LINGO1: variants seen among roughly 807,000 people sequenced by gnomAD.
The protein encoded by LINGO1 is leucine-rich repeat and immunoglobulin-like domain-containing nogo receptor-interacting protein 1.
LINGO1 carries 11 observed loss-of-function variants against 37.3 expected under a neutral mutation model. That is an observed-to-expected ratio of 0.29 (90% CI 0.19 to 0.49). LINGO1 has a LOEUF of 0.49. Among genes scored for constraint, LINGO1 ranks in the 20% least tolerant of loss-of-function variants. The pLI is 0.99. For synonymous variants in LINGO1, 387 were observed against 403.0 expected, an observed-to-expected ratio of 0.96 and a Z score of 0.48; for missense variants, 585 against 878.2, an observed-to-expected ratio of 0.67 and a Z score of 4.22.
chr15:77,743,521 G>A (rs991816390), intron 1 of LINGO1, among the ~76,000 whole-genome samples: 4 of 152,160 alleles, frequency 2.6e-5, no homozygotes, highest in Non-Finnish European at 5.9e-5. Flanking sequence ...AAAGAGGGTT[G>A]GGAGGTTTTG....
At chr15:77,767,765 G>A (rs909299440) in intron 1 of LINGO1, among the ~76,000 whole-genome samples, 15 of 152,160 alleles carry the variant, frequency 9.9e-5, no homozygotes, top group Non-Finnish European at 2.2e-4. Flanking sequence ...TAAAAAGACA[G>A]TCATTAACTC....
Position 77,614,274 on chromosome 15 carries a change from G to C in LINGO1, c.1633C>G (p.Arg545Gly), listed in dbSNP as rs771236468. ...TCGAAGGGGAAAGGCACAGTGGCGCGGGTGCTGTTGGCCTCTCCCTCGCCC... is the reference window on the plus strand; with the variant it reads ...TCGAAGGGGAAAGGCACAGTGGCGCCGGTGCTGTTGGCCTCTCCCTCGCCC... ...QPGEGEANST[R>G]ATVPFPFDIK... The change falls in exon 2 of 2, where the codon CGC becomes GGC. Residue 545 changes from arginine (R) to glycine (G), a missense_variant. This residue lies in a region of LINGO1 where 484 missense variants were observed against 735.0 expected (regional missense o/e 0.66). Coordinates refer to ENST00000355300, the MANE Select transcript of LINGO1 (RefSeq NM_032808.7). 1.2e-6 allele frequency: 2 copies of C among 1,613,918 alleles called. No homozygotes were observed. Among genetic ancestry groups the C allele is most frequent in the African/African-American group, 1.3e-5 (1 of 74,938 alleles).
intron 2 of LINGO1, among the ~76,000 whole-genome samples, chr15:77,730,080 G>A (rs1442745611): frequency 2.6e-5 from 4 of 151,972 alleles, no homozygotes; most frequent in Non-Finnish European, 4.4e-5. Flanking sequence ...GCGTTGTGGG[G>A]GGAGTAGGGG....
In LINGO1 at chr15:77,615,622, C is replaced by CG; in HGVS notation, c.284dup (p.His96AlafsTer83). The stretch of plus-strand genomic sequence containing the variant: ...CGTTGAGCTCCAGCTCCTCCAGGTG[C>CG]GGGAAGCTGGCGAACTCGTCCTGGT... On this transcript the variant is annotated frameshift_variant, in exon 2 of 2. Coordinates refer to ENST00000355300, the MANE Select transcript of LINGO1 (RefSeq NM_032808.7). LOFTEE classifies it high-confidence loss of function. 6.2e-7 allele frequency: 1 copy of CG among 1,611,688 alleles called. No individual in the cohort carries two copies. The highest frequency in any genetic ancestry group is 8.5e-7 in the Non-Finnish European group (1 of 1,179,034).
At chr15:77,809,327 C>T (rs576451134) in intron 1 of LINGO1, among the ~76,000 whole-genome samples, 6 of 152,210 alleles carry the variant, frequency 3.9e-5, no homozygotes, top group Non-Finnish European at 8.8e-5. Flanking sequence ...TCAAAGGCAG[C>T]GGGATCCGGG....
At chr15:77,797,975 A>G (rs2076886996) in intron 1 of LINGO1, among the ~76,000 whole-genome samples, 1 of 152,192 alleles carries the variant, frequency 6.6e-6, no homozygotes, top group Non-Finnish European at 1.5e-5. Context: ...GGAGGCAGAG[A>G]AGTGGGTGCT....
At chr15:77,770,587 C>CAAAAA (rs71145861) in intron 1 of LINGO1, among the ~76,000 whole-genome samples, 11 of 79,322 alleles carry the variant, frequency 1.4e-4, no homozygotes, top group East Asian at 4.2e-4. Flanking sequence ...GACTCTGTCT[C>CAAAAA]AAAAAAAAAA....
chr15:77,748,963 A>G (rs1172367478), intron 1 of LINGO1, among the ~76,000 whole-genome samples: 1 of 128,982 alleles, frequency 7.8e-6, no homozygotes, highest in Non-Finnish European at 1.5e-5. Context: ...GCTGGAGTGC[A>G]CTGGCGTGAT....
chr15:77,739,558 C>T (rs1484437278), intron 1 of LINGO1, among the ~76,000 whole-genome samples: 2 of 152,174 alleles, frequency 1.3e-5, no homozygotes, highest in African/African-American at 4.8e-5. Context: ...ACCCCTTTCT[C>T]TTGCAAGCTT....
chr15:77,738,746 C>CGGAA, intron 1 of LINGO1, among the ~76,000 whole-genome samples: 1 of 94,276 alleles, frequency 1.1e-5, no homozygotes, highest in African/African-American at 4.6e-5. Context: ...TACATATTTG[C>CGGAA]TGAAGGAAGG....
intron 1 of LINGO1, among the ~76,000 whole-genome samples, chr15:77,737,386 T>C (rs1428905546): frequency 6.6e-6 from 1 of 150,510 alleles, no homozygotes; most frequent in Non-Finnish European, 1.5e-5. Context: ...TGCCTCAATA[T>C]TGTAAAAGAA....
Position 77,632,290 on chromosome 15 carries a change from G to A in LINGO1, c.6+20C>T. 2.1e-6 allele frequency: 3 copies of A among 1,424,138 alleles called. No individual in the cohort carries two copies. Among genetic ancestry groups the A allele is most frequent in the Non-Finnish European group, 2.8e-6 (3 of 1,089,870 alleles). The allele number at this position is 1,424,138 out of a possible 1,614,324, so 88.2% of individuals were successfully genotyped here. On this transcript the variant is annotated intron_variant, in intron 1 of 1. Transcript: ENST00000355300. The surrounding 1 kb of genome is among the most constrained non-coding windows in gnomAD (Gnocchi z 6.0). ...CGCGGGGCTGCCCGCTCGGGGCTCG[G>A]CCGCGGCCGCCTGGCTCACCTGCAT...
At chr15:77,651,951 G>A (rs2074766133) in intron 3 of LINGO1, 2 of 152,176 alleles carry the variant, frequency 1.3e-5, no homozygotes, top group Non-Finnish European at 2.9e-5. Context: ...GGTAGCCTTG[G>A]GACATGTCTC....
At chr15:77,775,732 G>A (rs566514445) in intron 1 of LINGO1, among the ~76,000 whole-genome samples, 14 of 151,644 alleles carry the variant, frequency 9.2e-5, no homozygotes, top group Non-Finnish European at 1.5e-4. Context: ...CTCTAGACCC[G>A]GCCCAACATG....
At chr15:77,786,652 A>G (rs1596230609) in intron 1 of LINGO1, among the ~76,000 whole-genome samples, 1 of 152,306 alleles carries the variant, frequency 6.6e-6, no homozygotes, top group East Asian at 1.9e-4. Flanking sequence ...CCGCCTGGAC[A>G]GAGGAGCCAC....
At chr15:77,618,170 G>T (rs1160886000) in intron 1 of LINGO1, among the ~76,000 whole-genome samples, 2 of 152,220 alleles carry the variant, frequency 1.3e-5, no homozygotes, top group Non-Finnish European at 2.9e-5. Context: ...GCTGGCGGGT[G>T]GGGGGAGCTG....
intron 1 of LINGO1, among the ~76,000 whole-genome samples, chr15:77,743,404 G>A (rs759044674): frequency 3.9e-5 from 6 of 152,138 alleles, no homozygotes; most frequent in Non-Finnish European, 8.8e-5. Flanking sequence ...GGACTAAGAG[G>A]GGCACAGATT....
At chr15:77,638,805 A>G (rs116367018), upstream of LINGO1, among the ~76,000 whole-genome samples, 489 of 152,216 alleles carry the variant, frequency 3.2e-3, 7 homozygotes, top group African/African-American at 0.011. Context: ...AGCCCCTAAG[A>G]GGACTCCCAG....
chr15:77,678,633 C>T (rs973591196), intron 2 of LINGO1, among the ~76,000 whole-genome samples: 1 of 152,314 alleles, frequency 6.6e-6, no homozygotes, highest in South Asian at 2.1e-4. Flanking sequence ...TATTCACATA[C>T]AGGTTTTTGT....
Sources: allele counts gnomAD v4.1 joint callset (sites outside exome capture counted in the v4.1 genomes callset), GRCh38; gene constraint gnomAD v4.1.1; regional missense constraint gnomAD v4.1.1; non-coding constraint Gnocchi (gnomAD v3.1); transcripts MANE v1.5; gene names NCBI Gene and HGNC (gene_info 2026-07-23, HGNC 2026-07-21).